EFL1: variants seen among roughly 807,000 people sequenced by gnomAD.
The protein encoded by EFL1 is elongation factor-like GTPase 1.
A neutral mutation model predicts 126.7 loss-of-function variants in EFL1; 76 were observed. The ratio of observed to expected loss-of-function variants is 0.60; its 90% CI spans 0.50 to 0.73. EFL1 has a LOEUF of 0.73. Ranked by LOEUF, EFL1 falls within the 30% of genes least tolerant of loss-of-function variation. The probability of loss-of-function intolerance (pLI) is 0.00; values close to 1 mark genes in which losing one functional copy is unlikely to be tolerated. For missense variants in EFL1, 1,128 were observed against 1,343.2 expected, an observed-to-expected ratio of 0.84 and a Z score of 2.50; for synonymous variants, 410 against 448.4, an observed-to-expected ratio of 0.91 and a Z score of 1.08.
chr15:82,181,651 T>C (rs1324595137), intron 15 of EFL1, among the ~76,000 whole-genome samples: 1 of 152,110 alleles, frequency 6.6e-6, no homozygotes, highest in Non-Finnish European at 1.5e-5. Context: ...TGTGTATATA[T>C]ATATATGAAT....
intron 3 of EFL1, among the ~76,000 whole-genome samples, chr15:82,257,315 T>C (rs113434979): frequency 0.1 from 15,833 of 152,258 alleles, 1,232 homozygotes; most frequent in South Asian, 0.38. Context: ...GTATCACATA[T>C]TTCTGCCTCC....
intron 1 of EFL1, 63 bp from the exon 2 acceptor site, chr15:82,261,860 T>A: frequency 7.6e-7 from 1 of 1,313,404 alleles, no homozygotes; most frequent in Non-Finnish European, 1.1e-6. Flanking sequence ...AAGAAAAAAA[T>A]AATAATAAAC....
chr15:82,191,624 G>A (rs1358897038), intron 15 of EFL1, among the ~76,000 whole-genome samples: 1 of 150,370 alleles, frequency 6.7e-6, no homozygotes, highest in East Asian at 1.9e-4. Flanking sequence ...TCCAGATCCA[G>A]TTCAGCATCT....
rs567086971 is a variant in EFL1, at chr15:82,164,000, A to C, written c.1751-16T>G. On this transcript the variant is annotated splice_polypyrimidine_tract_variant and intron_variant, in intron 15 of 19. Transcript: ENST00000268206. ...CCTCCTATTCCTGTAGGAAGAAAAG[A>C]TCCATACGGTCAATAAGGGATGATA... The C allele has an allele frequency of 1.1e-4, 184 of 1,613,254 alleles. 3 individuals are homozygous for C. The South Asian group carries it at 2.0e-3, about 18-fold the overall frequency.
intron 19 of EFL1, among the ~76,000 whole-genome samples, chr15:82,136,046 T>TA (rs2073718193): frequency 6.6e-6 from 1 of 152,060 alleles, no homozygotes; most frequent in Non-Finnish European, 1.5e-5. Flanking sequence ...AGAGCAGTCT[T>TA]ACCTGCTTCC....
At chr15:82,225,034 G>A in intron 12 of EFL1, 131 bp downstream of exon 12, 1 of 569,758 alleles carries the variant, frequency 1.8e-6, no homozygotes, top group Non-Finnish European at 3.1e-6. Flanking sequence ...TTACCCTGGG[G>A]GTTGGCTTGA....
chr15:82,131,294 T>C (rs2665105), intron 19 of EFL1, among the ~76,000 whole-genome samples: 39,008 of 151,982 alleles, frequency 0.26, 6,177 homozygotes, highest in Non-Finnish European at 0.36. Flanking sequence ...TATTATTACA[T>C]ATATTTTTTT....
chr15:82,164,072 G>C, intron 15 of EFL1, 88 bp from the exon 16 acceptor site: 1 of 1,495,692 alleles, frequency 6.7e-7, no homozygotes, highest in South Asian at 1.3e-5. Flanking sequence ...CCCAGTATAT[G>C]TATCACAGAG....
chr15:82,260,879 T>C (rs1235228586), intron 2 of EFL1, among the ~76,000 whole-genome samples: 1 of 152,246 alleles, frequency 6.6e-6, no homozygotes, highest in Non-Finnish European at 1.5e-5. Flanking sequence ...TTATTTCATA[T>C]GCCCATCCCA....
At chr15:82,229,347 T>C (rs538106512) in intron 8 of EFL1, among the ~76,000 whole-genome samples, 26 of 152,334 alleles carry the variant, frequency 1.7e-4, no homozygotes, top group Non-Finnish European at 2.9e-4. Context: ...TATGACCATT[T>C]GTGGGTCATA....
intron 15 of EFL1, among the ~76,000 whole-genome samples, chr15:82,172,444 C>T (rs16973451): frequency 0.36 from 54,755 of 151,852 alleles, 11,218 homozygotes; most frequent in African/African-American, 0.56. Context: ...CTGATTGGGG[C>T]CTACTACTGG....
intron 17 of EFL1, among the ~76,000 whole-genome samples, chr15:82,152,761 C>T (rs2141229772): frequency 6.6e-6 from 1 of 151,728 alleles, no homozygotes. Context: ...AATATGAATG[C>T]TTTAAAACAG....
chr15:82,237,746 G>GAA (rs201310269), intron 7 of EFL1, among the ~76,000 whole-genome samples: 22,443 of 136,986 alleles, frequency 0.16, 1,968 homozygotes, highest in South Asian at 0.4. Flanking sequence ...GCCCAAAAAG[G>GAA]AAAAAAAAAA....
chr15:82,193,276 A>G lies in EFL1; in HGVS notation c.1750+21441T>C, dbSNP rs2651709. Among the ~76,000 whole-genome samples, 10 of 152,244 alleles carry G rather than the reference A, an allele frequency of 6.6e-5. 1 individual carries two copies. The highest frequency in any genetic ancestry group is 2.2e-4 in the African/African-American group (9 of 41,470). On this transcript the variant is annotated intron_variant, in intron 15 of 19. Coordinates refer to ENST00000268206, the MANE Select transcript of EFL1 (RefSeq NM_024580.6). ...GAGATCTTGGTGGAGAAAGAAATTT[A>G]GATTCCATTAATACATATTGAGCAC... is the stretch of plus-strand genomic sequence containing the variant.
chr15:82,262,175 G>C (rs1418349349), intron 1 of EFL1: 1 of 163,538 alleles, frequency 6.1e-6, no homozygotes, highest in Non-Finnish European at 1.3e-5. Flanking sequence ...AAATGCTGAA[G>C]AAGATGCTCC....
At chr15:82,250,579 G>C (rs979424055) in intron 4 of EFL1, among the ~76,000 whole-genome samples, 4 of 150,558 alleles carry the variant, frequency 2.7e-5, no homozygotes, top group African/African-American at 9.8e-5. Context: ...GTCAGGGCAA[G>C]GTGAATGTAC....
intron 15 of EFL1, among the ~76,000 whole-genome samples, chr15:82,183,996 G>A (rs8034801): frequency 0.21 from 31,256 of 152,072 alleles, 3,432 homozygotes; most frequent in Non-Finnish European, 0.26. Context: ...TACTTTCTAC[G>A]GGGCTTCAGA....
intron 15 of EFL1, among the ~76,000 whole-genome samples, chr15:82,168,030 C>G (rs938699182): frequency 2.6e-5 from 4 of 152,174 alleles, no homozygotes; most frequent in Admixed American, 6.5e-5. Flanking sequence ...GAGAACATCA[C>G]TTTGGAAGAG....
chr15:82,179,347 T>C (rs999472320), intron 15 of EFL1, among the ~76,000 whole-genome samples: 1 of 152,200 alleles, frequency 6.6e-6, no homozygotes, highest in African/African-American at 2.4e-5. Context: ...ATGAATTTTT[T>C]TTTAAAGCTT....
Sources: gnomAD v4.1 joint callset for allele counts (sites outside exome capture counted in the v4.1 genomes callset) on GRCh38, gnomAD v4.1.1 for gene constraint, MANE v1.5 for transcripts, NCBI Gene and HGNC (gene_info 2026-07-23, HGNC 2026-07-21) for gene names.